The following TENM3 variants were observed in gnomAD, a reference collection of about 807,000 sequenced individuals.
The protein encoded by TENM3 is teneurin-3.
TENM3 carries 63 observed loss-of-function variants against 255.1 expected under a neutral mutation model. That is an observed-to-expected ratio of 0.25 (90% CI 0.20 to 0.30). The LOEUF is 0.30. Ranked by LOEUF, TENM3 falls within the 10% of genes least tolerant of loss-of-function variation. The probability of loss-of-function intolerance (pLI) is 1.00; values close to 1 mark genes in which losing one functional copy is unlikely to be tolerated. For synonymous variants in TENM3, 1,306 were observed against 1,322.3 expected (o/e 0.99, Z 0.27); for missense variants, 2,929 against 3,461.1 (o/e 0.85, Z 3.86).
chr4:182,617,648 C>T (rs967955426), intron 4 of TENM3, among the ~76,000 whole-genome samples: 1 of 152,160 alleles, frequency 6.6e-6, no homozygotes, highest in Non-Finnish European at 1.5e-5. Flanking sequence ...TTTGGCCAAA[C>T]ATAGCCAGTC....
the TENM3 span, among the ~76,000 whole-genome samples, chr4:181,785,622 G>A: frequency 6.6e-6 from 1 of 152,098 alleles, no homozygotes; most frequent in African/African-American, 2.4e-5. Flanking sequence ...AGTGGTCACT[G>A]GAGCATTTCA....
chr4:181,877,217 T>C, the TENM3 span: 1 of 152,162 alleles, frequency 6.6e-6, no homozygotes, highest in Non-Finnish European at 1.5e-5. Flanking sequence ...TGTAAGACTT[T>C]ATGTCTGAAG....
At chr4:182,121,710 A>T in the TENM3 span, among the ~76,000 whole-genome samples, 1 of 152,342 alleles carries the variant, frequency 6.6e-6, no homozygotes, top group Middle Eastern at 3.4e-3. Flanking sequence ...GCAAGCCATA[A>T]TATTTTTGCT....
the TENM3 span, among the ~76,000 whole-genome samples, chr4:181,862,732 T>C: frequency 6.6e-6 from 1 of 152,216 alleles, no homozygotes; most frequent in Non-Finnish European, 1.5e-5. Context: ...CATTGTATTA[T>C]ATTTCTTCTA....
intron 3 of TENM3, among the ~76,000 whole-genome samples, chr4:182,539,783 A>G (rs1468216604): frequency 6.6e-6 from 1 of 152,194 alleles, no homozygotes; most frequent in Non-Finnish European, 1.5e-5. Context: ...ATATTTACTG[A>G]GATGGAGAAG....
intron 1 of TENM3, among the ~76,000 whole-genome samples, chr4:182,167,780 G>A (rs1017808422): frequency 6.6e-6 from 1 of 152,234 alleles, no homozygotes; most frequent in South Asian, 2.1e-4. Flanking sequence ...GGAGGCTGAG[G>A]AGTCTGAGGT....
the TENM3 span, among the ~76,000 whole-genome samples, chr4:181,482,294 T>C: frequency 7.9e-5 from 12 of 152,272 alleles, no homozygotes; most frequent in African/African-American, 2.9e-4. Flanking sequence ...CTCACACATT[T>C]ATTATCCCAT....
the TENM3 span, among the ~76,000 whole-genome samples, chr4:181,720,180 G>T: frequency 6.6e-6 from 1 of 152,056 alleles, no homozygotes; most frequent in African/African-American, 2.4e-5. Context: ...TTCTGAAACA[G>T]AATCGCATTC....
chr4:181,645,547 G>A, the TENM3 span, among the ~76,000 whole-genome samples: 1 of 152,100 alleles, frequency 6.6e-6, no homozygotes, highest in Non-Finnish European at 1.5e-5. Context: ...TACAGAACTT[G>A]GGTTACCCTT....
chr4:181,605,617 A>AAAGAAAGAAAGAAAGAAAG, the TENM3 span, among the ~76,000 whole-genome samples: 5 of 95,352 alleles, frequency 5.2e-5, no homozygotes, highest in Admixed American at 1.2e-4. Context: ...AAGAAAGAAA[A>AAAGAAAGAAAGAAAGAAAG]GAAAGAACAA....
Position 182,800,195 on chromosome 4 carries a change from C to T in TENM3, c.7944C>T (p.Arg2648=), listed in dbSNP as rs984147693. The T allele has an allele frequency of 1.9e-6, 3 of 1,584,272 alleles. No individual in the cohort carries two copies. In the African/African-American group the frequency reaches 4.0e-5, roughly 21 times the overall value. The part of the protein sequence containing the change: ...QRVRDGEEGA[R]LWTEGEKRQL... Reference sequence around the variant, plus strand: ...TGCGCGACGGCGAGGAGGGCGCGCGCCTCTGGACGGAGGGCGAGAAGCGGC... The same window carrying T: ...TGCGCGACGGCGAGGAGGGCGCGCGTCTCTGGACGGAGGGCGAGAAGCGGC... The change falls in exon 28 of 28, where the codon CGC becomes CGT. Residue 2648 remains arginine (R), a synonymous_variant. Coordinates refer to ENST00000511685, the MANE Select transcript of TENM3 (RefSeq NM_001080477.4).
intron 4 of TENM3, among the ~76,000 whole-genome samples, chr4:182,611,486 G>A (rs963981830): frequency 1.3e-5 from 2 of 151,746 alleles, no homozygotes; most frequent in Admixed American, 1.3e-4. Flanking sequence ...ATAAACATTT[G>A]TGTTGAAATT....
chr4:181,910,993 A>T, the TENM3 span, among the ~76,000 whole-genome samples: 1 of 152,094 alleles, frequency 6.6e-6, no homozygotes, highest in Admixed American at 6.6e-5. Flanking sequence ...ATCTTGGCAA[A>T]CTTATTTGAG....
chr4:181,552,988 C>G, the TENM3 span, among the ~76,000 whole-genome samples: 1 of 152,174 alleles, frequency 6.6e-6, no homozygotes, highest in African/African-American at 2.4e-5. Context: ...GGTGCTTTTT[C>G]TGACTCCCTT....
At chr4:182,156,854 C>A (rs963216441) in intron 1 of TENM3, among the ~76,000 whole-genome samples, 1 of 152,096 alleles carries the variant, frequency 6.6e-6, no homozygotes, top group Admixed American at 6.5e-5. Flanking sequence ...GTCCAAGTGG[C>A]TGTGTCCTGG....
At chr4:181,650,068 A>C in the TENM3 span, among the ~76,000 whole-genome samples, 4 of 152,180 alleles carry the variant, frequency 2.6e-5, no homozygotes. Context: ...TGTGCTTCTG[A>C]TTATAAGAAT....
chr4:182,754,355 A>C lies in TENM3; in HGVS notation c.4018-30A>C. 2.0e-6 allele frequency: 3 copies of C among 1,538,454 alleles called. No individual in the cohort carries two copies. The highest frequency in any genetic ancestry group is 2.6e-6 in the Non-Finnish European group (3 of 1,139,458). ...CGAATTAACTGTAGTGCAGTAACTTACTAACCAGGCCATTTCTTTTTTTAT... is the reference window on the plus strand; with the variant it reads ...CGAATTAACTGTAGTGCAGTAACTTCCTAACCAGGCCATTTCTTTTTTTAT... On this transcript the variant is annotated intron_variant, in intron 21 of 27. Transcript: ENST00000511685. The surrounding 1 kb of genome is among the most constrained non-coding windows in gnomAD (Gnocchi z 5.1).
At chr4:182,287,320 C>T (rs1057144738) in intron 1 of TENM3, among the ~76,000 whole-genome samples, 5 of 152,244 alleles carry the variant, frequency 3.3e-5, no homozygotes, top group African/African-American at 9.6e-5. Flanking sequence ...TCCACTTTCA[C>T]TCATTCCTTA....
At chr4:182,677,037 C>G (rs541195371) in intron 7 of TENM3, among the ~76,000 whole-genome samples, 7 of 152,162 alleles carry the variant, frequency 4.6e-5, no homozygotes, top group Non-Finnish European at 1.0e-4. Flanking sequence ...AGAAATATTA[C>G]AAAGCAAAAC....
Sources: allele counts gnomAD v4.1 joint callset (sites outside exome capture counted in the v4.1 genomes callset), GRCh38; gene constraint gnomAD v4.1.1; non-coding constraint Gnocchi (gnomAD v3.1); transcripts MANE v1.5; gene names NCBI Gene and HGNC (gene_info 2026-07-23, HGNC 2026-07-21).